ARHGAP30: variants seen among roughly 807,000 people sequenced by gnomAD.
ARHGAP30 encodes rho GTPase-activating protein 30.
Under a neutral mutation model 72.0 loss-of-function variants are expected in ARHGAP30, and 23 were observed. The ratio of observed to expected loss-of-function variants is 0.32; its 90% confidence interval spans 0.23 to 0.45. The LOEUF (loss-of-function observed/expected upper bound fraction) is 0.45. Among genes scored for constraint, ARHGAP30 ranks in the 20% least tolerant of loss-of-function variants. The pLI, the probability that ARHGAP30 is intolerant of heterozygous loss-of-function variation, is 1.00. For missense variants in ARHGAP30, 1,319 were observed against 1,383.4 expected (o/e 0.95, Z 0.74); for synonymous variants, 576 against 528.2 (o/e 1.09, Z -1.24).
chr1:161,054,316 A>G (rs1464600335), intron 5 of ARHGAP30, 50 bp downstream of exon 5: 1 of 1,541,884 alleles, frequency 6.5e-7, no homozygotes, highest in South Asian at 1.2e-5. Context: ...CAGCCTCCCA[A>G]AGGCCAGTGT....
rs1651448765 is a variant in ARHGAP30, at chr1:161,052,118, A to G, written c.1018+168T>C. On this transcript the variant is annotated intron_variant, in intron 9 of 11. Coordinates refer to ENST00000368013, the MANE Select transcript of ARHGAP30 (RefSeq NM_001025598.2). ...CATCAACAAAGTCATAGATTAGACA[A>G]TCAACTCACCGTAGCATTCAGCTAC... Among the ~76,000 whole-genome samples, 3 of 151,894 alleles carry G rather than the reference A, an allele frequency of 2.0e-5. 1 individual carries two copies. Among genetic ancestry groups the G allele is most frequent in the Admixed American group, 1.3e-4 (2 of 15,264 alleles).
At chr1:161,065,556 T>G (rs1169864389) in intron 1 of ARHGAP30, among the ~76,000 whole-genome samples, 1 of 152,078 alleles carries the variant, frequency 6.6e-6, no homozygotes, top group African/African-American at 2.4e-5. Context: ...TTTTTCTTTT[T>G]TCTTTTTTCT....
Position 161,054,678 on chromosome 1 carries a change from C to G in ARHGAP30, c.373G>C (p.Glu125Gln). 1 of 1,614,030 alleles carries G rather than the reference C, an allele frequency of 6.2e-7. No homozygotes were observed. Among genetic ancestry groups the G allele is most frequent in the African/African-American group, 1.3e-5 (1 of 75,028 alleles). The change falls in exon 4 of 12, where the codon GAG (glutamate) becomes CAG (glutamine). Residue 125 changes from glutamate to glutamine, a missense_variant. Glu to Gln is a conservative substitution (Grantham distance 29). Coordinates refer to ENST00000368013, the MANE Select transcript of ARHGAP30 (RefSeq NM_001025598.2). ...ACCTCTAGGATCTTGACCAAGCGCT[C>G]AGGTTCCAATTGCACTCCTACAGCC... is the stretch of plus-strand genomic sequence containing the variant. ...AEAVGVQLEPERLVKILEVLR... is the reference protein window; with the variant it reads ...AEAVGVQLEPQRLVKILEVLR...
rs1366371406 is a variant in ARHGAP30, at chr1:161,048,356, C to T, written c.2665G>A (p.Ala889Thr). 1 of 1,614,024 alleles carries T rather than the reference C, an allele frequency of 6.2e-7. No homozygotes were observed. The highest frequency in any genetic ancestry group is 1.3e-5 in the African/African-American group (1 of 74,924). The change falls in exon 12 of 12, where the codon GCC (alanine) becomes ACC (threonine). Residue 889 changes from alanine (A) to threonine (T), a missense_variant. Transcript: ENST00000368013. The part of the protein sequence containing the change: ...NPHSSEMEEV[A>T]PQPPQPEEME... ...TCCTCTGGCTGAGGTGGCTGTGGGGCTACCTCTTCCATCTCAGAAGAGTGA... is the reference window on the plus strand; with the variant it reads ...TCCTCTGGCTGAGGTGGCTGTGGGGTTACCTCTTCCATCTCAGAAGAGTGA...
At chr1:161,054,196 G>C (rs1651660279) in intron 5 of ARHGAP30, among the ~76,000 whole-genome samples, 170 bp downstream of exon 5, 2 of 152,166 alleles carry the variant, frequency 1.3e-5, no homozygotes, top group Admixed American at 6.5e-5. Context: ...GACTAAAATA[G>C]ATGGGGCCCA....
rs978541512 is a variant in ARHGAP30 at position 161,049,590 on chromosome 1, T to C, written c.1520A>G (p.Gln507Arg). Residue 507 changes from glutamine to arginine, a missense_variant, in exon 11 of 12, where the codon CAG (glutamine) becomes CGG (arginine). Coordinates refer to ENST00000368013, the MANE Select transcript of ARHGAP30 (RefSeq NM_001025598.2). ...GTCCTCTAGGAAGGAGAAGGAGTCC[T>C]GCACCTCCTGGGACAGCGAGTCCTC... The part of the protein sequence containing the change: ...ALEDSLSQEV[Q>R]DSFSFLEDSS... The C allele has an allele frequency of 3.1e-6, 5 of 1,614,084 alleles. No individual in the cohort carries two copies. Among genetic ancestry groups the C allele is most frequent in the Non-Finnish European group, 4.2e-6 (5 of 1,179,990 alleles).
intron 6 of ARHGAP30, chr1:161,053,017 G>C: frequency 1.2e-6 from 1 of 840,268 alleles, no homozygotes; most frequent in Non-Finnish European, 1.8e-6. Context: ...GGGTGGATAT[G>C]AGCCATCACT....
chr1:161,048,936 A>G lies in ARHGAP30; in HGVS notation c.2085T>C (p.Ala695=), dbSNP rs1651118288. ...AGKASEDRGE[A]GGSQETKVRL... ...TGACTTTTGTCTCTTGGCTTCCCCCAGCCTCCCCTCTATCCTCACTGGCCT... is the reference window on the plus strand; with the variant it reads ...TGACTTTTGTCTCTTGGCTTCCCCCGGCCTCCCCTCTATCCTCACTGGCCT... The change falls in exon 12 of 12, where the codon GCT becomes GCC. Residue 695 remains alanine (A), a synonymous_variant. Coordinates refer to ENST00000368013, the MANE Select transcript of ARHGAP30 (RefSeq NM_001025598.2). The G allele has an allele frequency of 6.2e-7, 1 of 1,612,768 alleles. No homozygotes were observed. Among genetic ancestry groups the G allele is most frequent in the Non-Finnish European group, 8.5e-7 (1 of 1,179,736 alleles).
intron 1 of ARHGAP30, among the ~76,000 whole-genome samples, chr1:161,060,697 CTTTTT>C (rs1311336285): frequency 1.6e-4 from 17 of 103,468 alleles, no homozygotes; most frequent in Admixed American, 6.3e-4. Context: ...GAGTCAAGGA[CTTTTT>C]TTTTTTTTTT....
chr1:161,047,069 A>G lies in ARHGAP30; in HGVS notation c.*646T>C. On this transcript the variant is annotated 3_prime_UTR_variant, in exon 12 of 12. Coordinates refer to ENST00000368013, the MANE Select transcript of ARHGAP30 (RefSeq NM_001025598.2). ...ACCATTTCCCTTTCCTGAAATAGGA[A>G]CAAGTTATTCCAAAGGAGAAAGGAG... 1 of 449,512 alleles carries G rather than the reference A, an allele frequency of 2.2e-6. No individual in the cohort carries two copies. Among genetic ancestry groups the G allele is most frequent in the Non-Finnish European group, 4.5e-6 (1 of 220,036 alleles). The allele number at this position is 449,512 out of a possible 1,614,324, so 27.8% of individuals were successfully genotyped here. A position where few individuals can be genotyped will look rare whatever the true frequency, so the allele number is the denominator to read the frequency against.
rs143582871 is a variant in ARHGAP30 at position 161,049,090 on chromosome 1, G to C, written c.1931C>G (p.Ala644Gly). ...EGEAAGCGRQ[A>G]LGQGGEEQAC... ...CTGCTCTTCCCCACCCTGTCCCAGA[G>C]CCTGCCTTCCACATCCTGCTGCCTC... is the stretch of plus-strand genomic sequence containing the variant. The change falls in exon 12 of 12, where the codon GCT (alanine) becomes GGT (glycine). Residue 644 changes from alanine to glycine, a missense_variant. By Grantham distance (60) the Ala-to-Gly change is moderately conservative (BLOSUM62 0). Coordinates refer to ENST00000368013, the MANE Select transcript of ARHGAP30 (RefSeq NM_001025598.2). 7.2e-5 allele frequency: 117 copies of C among 1,614,098 alleles called. No individual in the cohort carries two copies. In the African/African-American group the frequency reaches 1.3e-3, roughly 17 times the overall value.
In ARHGAP30 at chr1:161,048,656, G is replaced by C; in HGVS notation, c.2365C>G (p.Gln789Glu). Residue 789 changes from glutamine to glutamate, a missense_variant, in exon 12 of 12, where the codon CAA (glutamine) becomes GAA (glutamate). Physicochemically the swap from Gln to Glu is conservative, Grantham distance 29 (BLOSUM62 2). Around this residue, in one of 2 missense-constraint regions of ARHGAP30, gnomAD observed 1,097 missense variants for 1,045.2 expected, o/e 1.05. Transcript: ENST00000368013. ...AEEKWEVVQKQEAEGVREDED... is the reference protein window; with the variant it reads ...AEEKWEVVQKEEAEGVREDED... ...TCCTCTCTGACTCCCTCAGCCTCTT[G>C]TTTCTGTACAACTTCCCATTTCTCC... 1 of 1,613,972 alleles carries C rather than the reference G, an allele frequency of 6.2e-7. No individual in the cohort carries two copies. The highest frequency in any genetic ancestry group is 1.6e-4 in the Middle Eastern group (1 of 6,062).
chr1:161,059,780 G>T, intron 1 of ARHGAP30, 64 bp from the exon 2 acceptor site: 1 of 1,394,820 alleles, frequency 7.2e-7, no homozygotes, highest in Non-Finnish European at 9.9e-7. Context: ...AGACTGCACT[G>T]GGTCTGAGAA....
At chr1:161,054,536 C>T in intron 4 of ARHGAP30, 63 bp from the exon 5 acceptor site, 1 of 1,604,844 alleles carries the variant, frequency 6.2e-7, no homozygotes, top group Non-Finnish European at 8.5e-7. Flanking sequence ...GGGCTGGGAC[C>T]TGGGAGCAGT....
chr1:161,067,570 A>AAAAGAAAGAAAGAAAGAAAG lies in ARHGAP30; in HGVS notation c.97+1938_97+1957dup, dbSNP rs60677751. Among the ~76,000 whole-genome samples, 319 of 149,068 alleles carry AAAAGAAAGAAAGAAAGAAAG rather than the reference A, an allele frequency of 2.1e-3. 2 individuals are homozygous for AAAAGAAAGAAAGAAAGAAAG. The highest frequency in any genetic ancestry group is 5.4e-3 in the African/African-American group (221 of 40,624). On this transcript the variant is annotated intron_variant, in intron 1 of 11. Transcript: ENST00000368013. ...GGGACAGAGCAAGACTCCATCTCAA[A>AAAAGAAAGAAAGAAAGAAAG]AAAGAAAGAAAGAAAGAAAGAAAGA...
chr1:161,063,041 G>A (rs371612334), intron 1 of ARHGAP30, among the ~76,000 whole-genome samples: 1 of 152,084 alleles, frequency 6.6e-6, no homozygotes, highest in Non-Finnish European at 1.5e-5. Context: ...TCGAACTCCC[G>A]ACCTCAGGTG....
At chr1:161,061,447 C>CCAGCTAATT (rs1170798581) in intron 1 of ARHGAP30, among the ~76,000 whole-genome samples, 7 of 150,336 alleles carry the variant, frequency 4.7e-5, no homozygotes, top group Non-Finnish European at 4.5e-5. Context: ...GCCACCGCGC[C>CCAGCTAATT]TGACCTGCTT....
chr1:161,058,849 A>C (rs1372218184), intron 2 of ARHGAP30, among the ~76,000 whole-genome samples: 2 of 128,726 alleles, frequency 1.6e-5, no homozygotes, highest in Non-Finnish European at 3.2e-5. Context: ...CAACAGAGTG[A>C]GACTCTATCT....
At chr1:161,051,824 A>G in intron 9 of ARHGAP30, 109 bp from the exon 10 acceptor site, 2 of 1,438,036 alleles carry the variant, frequency 1.4e-6, no homozygotes, top group Non-Finnish European at 1.8e-6. Flanking sequence ...CTTGAAAGCA[A>G]CGATAGCCTG....
Sources: gnomAD v4.1 joint callset for allele counts (sites outside exome capture counted in the v4.1 genomes callset) on GRCh38, gnomAD v4.1.1 for gene constraint, gnomAD v4.1.1 regional missense constraint, MANE v1.5 for transcripts, NCBI Gene and HGNC (gene_info 2026-07-23, HGNC 2026-07-21) for gene names.